PAX6: variants seen among roughly 807,000 people sequenced by gnomAD.
PAX6 encodes paired box 6, also known as paired box protein Pax-6.
In PAX6, 7 loss-of-function variants were observed where a neutral mutation model predicts 60.7. The ratio of observed to expected loss-of-function variants is 0.12; its 90% CI spans 0.07 to 0.22. The LOEUF (loss-of-function observed/expected upper bound fraction) is 0.22. PAX6 is among the 10% of genes least tolerant of loss of function. The probability of loss-of-function intolerance (pLI) is 1.00; values close to 1 mark genes in which losing one functional copy is unlikely to be tolerated. For missense variants in PAX6, 355 were observed against 555.2 expected (o/e 0.64, Z 3.62); for synonymous variants, 208 against 201.2 (o/e 1.03, Z -0.29).
intron 2 of PAX6, chr11:31,810,343 CGAGTCCTCGGA>C (rs1565275475): frequency 2.0e-5 from 3 of 152,364 alleles, no homozygotes. Context: ...GCTCCCTCGG[CGAGTCCTCGGA>C]GCGCCCGCTC....
chr11:31,812,242 G>A (rs1444306478), upstream of PAX6: 3 of 152,274 alleles, frequency 2.0e-5, no homozygotes, highest in South Asian at 2.1e-4. Flanking sequence ...AGGGGAGGGG[G>A]AGTGGAAGCC....
intron 1 of PAX6, chr11:31,816,506 G>A (rs752634681): frequency 2.8e-6 from 2 of 702,380 alleles, no homozygotes; most frequent in South Asian, 1.5e-5. Flanking sequence ...TCTCTAATGA[G>A]GGAGGAGGCC....
At chr11:31,813,669 G>C (rs1445496306), upstream of PAX6, among the ~76,000 whole-genome samples, 2 of 152,078 alleles carry the variant, frequency 1.3e-5, no homozygotes, top group South Asian at 2.1e-4. Context: ...GGGGAAGGGG[G>C]CTCCGGGAAA....
At chr11:31,803,033 G>A (rs1954628558) in intron 4 of PAX6, 199 bp from the exon 5 acceptor site, 1 of 645,230 alleles carries the variant, frequency 1.5e-6, no homozygotes, top group South Asian at 1.8e-5. Flanking sequence ...TGCCAACCTC[G>A]GCGGTCAGTT....
intron 12 of PAX6, chr11:31,791,210 T>A (rs1949847765): frequency 5.3e-6 from 2 of 378,794 alleles, no homozygotes; most frequent in East Asian, 1.2e-4. Context: ...TCAAAACACA[T>A]CCCCTCTCCC....
intron 8 of PAX6, among the ~76,000 whole-genome samples, chr11:31,798,223 A>G: frequency 6.6e-6 from 1 of 151,300 alleles, no homozygotes; most frequent in Non-Finnish European, 1.5e-5. Flanking sequence ...GGGTGAGGGG[A>G]GGAGATAAGA....
chr11:31,813,801 G>T (rs1293597128), upstream of PAX6, among the ~76,000 whole-genome samples: 1 of 152,148 alleles, frequency 6.6e-6, no homozygotes, highest in Non-Finnish European at 1.5e-5. Flanking sequence ...AGTTTAAGGA[G>T]AGAGGGGTGA....
chr11:31,801,283 T>C, intron 7 of PAX6: 6 of 1,398,582 alleles, frequency 4.3e-6, no homozygotes, highest in Non-Finnish European at 5.6e-6. Context: ...CTGGTTCTCA[T>C]TTTCCTTCTT....
chr11:31,790,292 T>C, intron 13 of PAX6: 1 of 601,910 alleles, frequency 1.7e-6, no homozygotes, highest in Non-Finnish European at 2.5e-6. Context: ...TTTGCATGTT[T>C]GGAACTTTTA....
At chr11:31,795,765 G>A (rs1951284596) in intron 8 of PAX6, among the ~76,000 whole-genome samples, 1 of 152,362 alleles carries the variant, frequency 6.6e-6, no homozygotes, top group South Asian at 2.1e-4. Flanking sequence ...GCTGGCTCCC[G>A]GCTTGCACCT....
chr11:31,801,552 T>C lies in PAX6; in HGVS notation c.399+9A>G, dbSNP rs367992238. The C allele has an allele frequency of 1.4e-5, 23 of 1,613,998 alleles. No homozygotes were observed. The highest frequency in any genetic ancestry group is 1.9e-5 in the Non-Finnish European group (23 of 1,180,036). On this transcript the variant is annotated intron_variant, in intron 7 of 13. Coordinates refer to ENST00000640368, the MANE Select transcript of PAX6 (RefSeq NM_001368894.2). ...GGGCAGGGAGGGCAGATGTTCTCAATGAACTTACGCTTGGTATGTTATCGT... is the reference window on the plus strand; with the variant it reads ...GGGCAGGGAGGGCAGATGTTCTCAACGAACTTACGCTTGGTATGTTATCGT...
chr11:31,801,097 C>T (rs1406129622), intron 7 of PAX6: 1 of 757,636 alleles, frequency 1.3e-6, no homozygotes, highest in Admixed American at 2.7e-5. Context: ...TGCTTGGTGT[C>T]TCTGGTGACC....
intron 2 of PAX6, among the ~76,000 whole-genome samples, chr11:31,808,977 G>A (rs760349225): frequency 6.6e-6 from 1 of 152,076 alleles, no homozygotes; most frequent in African/African-American, 2.4e-5. Context: ...TTTTGGAGTC[G>A]CCCCAGCCTT....
At chr11:31,795,944 A>T (rs1592451439) in intron 8 of PAX6, among the ~76,000 whole-genome samples, 1 of 152,170 alleles carries the variant, frequency 6.6e-6, no homozygotes, top group African/African-American at 2.4e-5. Context: ...GGCGGGGTGG[A>T]GGGGCCCCTA....
chr11:31,816,410 C>T (rs977495942), intron 1 of PAX6: 2 of 620,466 alleles, frequency 3.2e-6, no homozygotes, highest in South Asian at 1.9e-5. Context: ...TCGCCCTGGG[C>T]GCGGAGCGAG....
At chr11:31,800,890 G>T in intron 7 of PAX6, 34 bp from the exon 8 acceptor site, 1 of 1,609,176 alleles carries the variant, frequency 6.2e-7, no homozygotes, top group Non-Finnish European at 8.5e-7. Flanking sequence ...CCAAATGGTA[G>T]TGTCTCCTGA....
chr11:31,796,485 G>A (rs1397095638), intron 8 of PAX6, among the ~76,000 whole-genome samples: 1 of 143,700 alleles, frequency 7.0e-6, no homozygotes, highest in African/African-American at 2.5e-5. Flanking sequence ...ATGGAGGGTG[G>A]ATGGGGGGGC....
intron 12 of PAX6, 138 bp from the exon 13 acceptor site, chr11:31,790,998 A>C: frequency 1.1e-6 from 1 of 923,224 alleles, no homozygotes; most frequent in Non-Finnish European, 1.7e-6. Context: ...GGAATTCCAT[A>C]TGATAAATCT....
At chr11:31,808,060 A>G (rs1956261753) in intron 2 of PAX6, 2 of 152,182 alleles carry the variant, frequency 1.3e-5, no homozygotes. Context: ...GGGAAGAGAG[A>G]GTTACAATAA....
Sources: allele counts gnomAD v4.1 joint callset (sites outside exome capture counted in the v4.1 genomes callset), GRCh38; gene constraint gnomAD v4.1.1; transcripts MANE v1.5; gene names NCBI Gene and HGNC (gene_info 2026-07-23, HGNC 2026-07-21).